The following BAZ2A variants were observed in gnomAD, a reference collection of about 807,000 sequenced individuals.
BAZ2A encodes bromodomain adjacent to zinc finger domain protein 2A.
A neutral mutation model predicts 199.9 loss-of-function variants in BAZ2A; 34 were observed. That is an observed-to-expected ratio of 0.17 (90% CI 0.13 to 0.23). The LOEUF (loss-of-function observed/expected upper bound fraction) is 0.23, where lower values mean the gene tolerates loss of function less well. Among genes scored for constraint, BAZ2A ranks in the 10% least tolerant of loss-of-function variants. The pLI, the probability that BAZ2A is intolerant of heterozygous loss-of-function variation, is 1.00. For synonymous variants in BAZ2A, 857 were observed against 883.9 expected, an observed-to-expected ratio of 0.97 and a Z score of 0.54; for missense variants, 2,002 against 2,391.1, an observed-to-expected ratio of 0.84 and a Z score of 3.39.
At position 56,614,033 on chromosome 12, in the gene BAZ2A, G is replaced by C. The variant is rs1565824667; in HGVS notation, c.836C>G (p.Pro279Arg). The C allele has an allele frequency of 1.2e-6, 2 of 1,614,014 alleles. No individual in the cohort carries two copies. Among genetic ancestry groups the C allele is most frequent in the East Asian group, 4.5e-5 (2 of 44,878 alleles). ...PDPTVSCLDD[P>R]SHLPDQLEDT... ...TTCCAGTTGATCAGGAAGATGTGAA[G>C]GATCATCTAAACAGCTCACTGTGGG... Residue 279 changes from proline (P) to arginine (R), a missense_variant, in exon 4 of 29, where the codon CCT (proline) becomes CGT (arginine). Transcript: ENST00000549884.
Position 56,611,841 on chromosome 12 carries a change from C to T in BAZ2A, c.1541G>A (p.Ser514Asn). The T allele has an allele frequency of 1.9e-6, 3 of 1,591,326 alleles. No homozygotes were observed. Among genetic ancestry groups the T allele is most frequent in the East Asian group, 2.2e-5 (1 of 44,602 alleles). ...PTASPANKDV[S>N]SFLETTADVE... ...GTCAGCAGTGGTTTCTAGAAAGCTG[C>T]TGACATCCTTATTTGCTGGGGAGGC... Residue 514 changes from serine (S) to asparagine (N), a missense_variant, in exon 6 of 29, where the codon AGC (serine) becomes AAC (asparagine). Ser to Asn is a conservative substitution (Grantham distance 46). Transcript: ENST00000549884.
At chr12:56,609,969 T>TA (rs776383916) in intron 9 of BAZ2A, 23 bp from the exon 10 acceptor site, 1 of 1,610,622 alleles carries the variant, frequency 6.2e-7, no homozygotes, top group Admixed American at 1.7e-5. Flanking sequence ...GGGAGACTGT[T>TA]ACAGTAGTAA....
chr12:56,638,288 G>A, upstream of BAZ2A: 1 of 1,566,956 alleles, frequency 6.4e-7, no homozygotes, highest in Non-Finnish European at 8.8e-7. Context: ...TGGGTTAGGG[G>A]CAAGGAGAGA....
chr12:56,606,378 CA>C, intron 11 of BAZ2A, 66 bp from the exon 12 acceptor site: 1 of 1,575,616 alleles, frequency 6.3e-7, no homozygotes, highest in Admixed American at 1.7e-5. Context: ...GGCTAGGATT[CA>C]AAAACAGACA....
At chr12:56,627,318 T>G (rs1951126111) in intron 1 of BAZ2A, among the ~76,000 whole-genome samples, 1 of 151,528 alleles carries the variant, frequency 6.6e-6, no homozygotes, top group African/African-American at 2.4e-5. Flanking sequence ...AATACAAAAA[T>G]TAGCCAGGCA....
At position 56,606,701 on chromosome 12, in the gene BAZ2A, C is replaced by T. The variant is rs763728372; in HGVS notation, c.2125G>A (p.Ala709Thr). The part of the protein sequence containing the change: ...TLNEEDKAKI[A>T]KSKKKMRQKV... ...TGCCTCATCTTCTTCTTGCTTTTAGCAATCTTTGCTTTATCCTCCTCATTC... is the reference window on the plus strand; with the variant it reads ...TGCCTCATCTTCTTCTTGCTTTTAGTAATCTTTGCTTTATCCTCCTCATTC... Residue 709 changes from alanine to threonine, a missense_variant, in exon 11 of 29, where the codon GCT becomes ACT. Ala to Thr is a moderately conservative substitution (Grantham distance 58, BLOSUM62 0). Coordinates refer to ENST00000549884, the MANE Select transcript of BAZ2A (RefSeq NM_001300905.2). 2 of 1,613,878 alleles carry T rather than the reference C, an allele frequency of 1.2e-6. No homozygotes were observed. Among genetic ancestry groups the T allele is most frequent in the South Asian group, 1.1e-5 (1 of 91,080 alleles).
Position 56,604,787 on chromosome 12 carries a change from A to G in BAZ2A, c.2761T>C (p.Leu921=). ...GGGATCTCAGACACCTTCTCCCCCA[A>G]GATCTTTAGGGACTGTGTGGAGGAC... is the stretch of plus-strand genomic sequence containing the variant. ...FPSYCQSLKI[L]GEKVSEIPLT... The change falls in exon 15 of 29, where the codon TTG becomes CTG. Residue 921 remains leucine (L), a synonymous_variant. Transcript: ENST00000549884. The G allele has an allele frequency of 1.2e-6, 2 of 1,613,594 alleles. No individual in the cohort carries two copies. The highest frequency in any genetic ancestry group is 1.7e-6 in the Non-Finnish European group (2 of 1,179,798).
intron 3 of BAZ2A, 139 bp from the exon 4 acceptor site, chr12:56,614,277 G>A (rs990003196): frequency 7.2e-5 from 61 of 845,764 alleles, no homozygotes; most frequent in Non-Finnish European, 1.0e-4. Flanking sequence ...GCTGGGAACC[G>A]ATCACATCAA....
intron 14 of BAZ2A, 58 bp downstream of exon 14, chr12:56,605,015 C>T: frequency 1.3e-6 from 2 of 1,517,010 alleles, no homozygotes; most frequent in Non-Finnish European, 1.8e-6. Flanking sequence ...AAGAGAAACA[C>T]TAAGTAGTTA....
intron 12 of BAZ2A, 70 bp from the exon 13 acceptor site, chr12:56,606,133 C>T (rs1950344860): frequency 6.4e-7 from 1 of 1,558,376 alleles, no homozygotes; most frequent in South Asian, 1.2e-5. Flanking sequence ...GGTCCCAGTC[C>T]TCCCAACCTC....
upstream of BAZ2A, chr12:56,634,837 G>C (rs769393797): frequency 1.6e-3 from 1,441 of 895,836 alleles, no homozygotes; most frequent in Non-Finnish European, 1.9e-3. Flanking sequence ...GCTCCCTCAG[G>C]GGGAGAGTCA....
intron 1 of BAZ2A, among the ~76,000 whole-genome samples, chr12:56,622,737 G>A (rs1345102682): frequency 6.6e-6 from 1 of 152,168 alleles, no homozygotes; most frequent in East Asian, 1.9e-4. Flanking sequence ...CTCATACCAG[G>A]AAGTACATTC....
intron 10 of BAZ2A, among the ~76,000 whole-genome samples, chr12:56,609,330 C>T (rs1340191208): frequency 1.3e-5 from 2 of 152,032 alleles, no homozygotes; most frequent in East Asian, 1.9e-4. Context: ...ATTAAGCACA[C>T]ACCACCATGC....
chr12:56,608,364 T>A (rs1169098223), intron 10 of BAZ2A, among the ~76,000 whole-genome samples: 6 of 149,870 alleles, frequency 4.0e-5, no homozygotes, highest in Admixed American at 2.7e-4. Flanking sequence ...AGAGTAAGAC[T>A]CTGTCTCAAA....
upstream of BAZ2A, chr12:56,634,899 G>A (rs1951410185): frequency 3.0e-6 from 3 of 984,508 alleles, no homozygotes; most frequent in South Asian, 9.4e-5. Flanking sequence ...CCGCAGGAAC[G>A]GCCCGCCAAG....
At chr12:56,605,674 G>A (rs1406998647) in intron 13 of BAZ2A, 156 bp downstream of exon 13, 20 of 843,918 alleles carry the variant, frequency 2.4e-5, no homozygotes, top group Non-Finnish European at 3.2e-5. Flanking sequence ...TGCCCGCCTC[G>A]GCCTCCCAAA....
Position 56,601,605 on chromosome 12 carries a change from G to T in BAZ2A, c.4012C>A (p.Pro1338Thr). ...MPCNAAPTPPPAVSEDQPTPS... is the reference protein window; with the variant it reads ...MPCNAAPTPPTAVSEDQPTPS... Reference sequence around the variant, plus strand: ...GTGGGTTGGTCCTCAGAAACTGCAGGGGGCGGTGTGGGGGCAGCATTGCAG... The same window carrying T: ...GTGGGTTGGTCCTCAGAAACTGCAGTGGGCGGTGTGGGGGCAGCATTGCAG... Residue 1338 changes from proline (P) to threonine (T), a missense_variant, in exon 20 of 29, where the codon CCT becomes ACT. Coordinates refer to ENST00000549884, the MANE Select transcript of BAZ2A (RefSeq NM_001300905.2). The T allele has an allele frequency of 6.2e-7, 1 of 1,613,936 alleles. No homozygotes were observed.
At chr12:56,606,894 G>A (rs1950375056) in intron 10 of BAZ2A, among the ~76,000 whole-genome samples, 161 bp from the exon 11 acceptor site, 1 of 151,574 alleles carries the variant, frequency 6.6e-6, no homozygotes, top group Non-Finnish European at 1.5e-5. Context: ...AAACATTGGG[G>A]GAAAAAATGT....
chr12:56,619,016 C>T lies in BAZ2A; in HGVS notation c.-2-1484G>A, dbSNP rs554158832. On this transcript the variant is annotated intron_variant, in intron 1 of 28. Transcript: ENST00000549884. The stretch of plus-strand genomic sequence containing the variant: ...TTTAAGACCAAGCTGGATAACATGG[C>T]GAGAACCGATCTCTACAAAACATTT... 3.3e-5 allele frequency among the ~76,000 whole-genome samples: 5 copies of T among 151,986 alleles called. No homozygotes were observed. The East Asian group carries it at 7.8e-4, about 24-fold the overall frequency.
Sources: allele counts gnomAD v4.1 joint callset (sites outside exome capture counted in the v4.1 genomes callset), GRCh38; gene constraint gnomAD v4.1.1; transcripts MANE v1.5; gene names NCBI Gene and HGNC (gene_info 2026-07-23, HGNC 2026-07-21).